Variants in SLC6A5 observed in about 807,000 individuals in gnomAD.
SLC6A5 encodes the protein solute carrier family 6 member 5.
Under a neutral mutation model 90.5 loss-of-function variants are expected in SLC6A5, and 58 were observed. That is an observed-to-expected ratio of 0.64 (90% CI 0.52 to 0.80). The LOEUF (loss-of-function observed/expected upper bound fraction) is 0.80. Ranked by LOEUF, SLC6A5 falls within the 30% of genes least tolerant of loss-of-function variation. SLC6A5 has a pLI of 0.00. For synonymous variants in SLC6A5, 427 were observed against 401.4 expected (o/e 1.06, Z -0.76); for missense variants, 1,015 against 1,017.6 (o/e 1.00, Z 0.03).
intron 2 of SLC6A5, 77 bp downstream of exon 2, chr11:20,601,742 G>T: frequency 1.4e-6 from 2 of 1,475,722 alleles, no homozygotes; most frequent in Non-Finnish European, 1.9e-6. Context: ...GCCGTGGCGG[G>T]TGCACGTATG....
In SLC6A5 at chr11:20,601,305, A is replaced by G; in HGVS notation, c.180A>G (p.Gln60=). Residue 60 remains glutamine, a synonymous_variant, in exon 2 of 16, where the codon CAA becomes CAG. Coordinates refer to ENST00000525748, the MANE Select transcript of SLC6A5 (RefSeq NM_004211.5). ...RVPRSASTGA[Q]TFQSADARAC... ...CCAGGTCCGCTTCCACCGGCGCCCA[A>G]ACTTTCCAGTCAGCGGACGCGCGAG... is the stretch of plus-strand genomic sequence containing the variant. The G allele has an allele frequency of 6.3e-7, 1 of 1,592,344 alleles. No individual in the cohort carries two copies. The highest frequency in any genetic ancestry group is 8.5e-7 in the Non-Finnish European group (1 of 1,174,306).
rs531278694 is a variant in SLC6A5 at position 20,601,090 on chromosome 11, G to A, written c.4-39G>A. Reference sequence around the variant, plus strand: ...AGATACAGGTATTTTAAAAGCTGTTGTGACTTTGTTTTGCACGAACTTGAC... The same window carrying A: ...AGATACAGGTATTTTAAAAGCTGTTATGACTTTGTTTTGCACGAACTTGAC... On this transcript the variant is annotated intron_variant, in intron 1 of 15. Coordinates refer to ENST00000525748, the MANE Select transcript of SLC6A5 (RefSeq NM_004211.5). The A allele has an allele frequency of 5.8e-6, 9 of 1,562,634 alleles. 1 individual carries two copies. In the Admixed American group the frequency reaches 9.2e-5, roughly 16 times the overall value.
chr11:20,600,399 GA>G (rs1555037541), intron 1 of SLC6A5, among the ~76,000 whole-genome samples: 7 of 139,054 alleles, frequency 5.0e-5, no homozygotes, highest in African/African-American at 1.3e-4. Flanking sequence ...AGAAGAAGAA[GA>G]AGAAGAAGAA....
chr11:20,603,434 G>A (rs1852516194), intron 2 of SLC6A5, among the ~76,000 whole-genome samples: 1 of 152,148 alleles, frequency 6.6e-6, no homozygotes, highest in Non-Finnish European at 1.5e-5. Context: ...GCTGGAGCTG[G>A]CAAGGGCTTC....
intron 5 of SLC6A5, among the ~76,000 whole-genome samples, chr11:20,608,180 G>A (rs1036764451): frequency 6.6e-6 from 1 of 152,202 alleles, no homozygotes; most frequent in Non-Finnish European, 1.5e-5. Context: ...ATACTGCTCA[G>A]TGCATGAGGT....
rs74756512 is a variant in SLC6A5 at position 20,619,890 on chromosome 11, T to C, written c.1260+2006T>C. Among the ~76,000 whole-genome samples, 4,595 of 152,128 alleles carry C rather than the reference T, an allele frequency of 0.03. 448 individuals are homozygous for C. In the East Asian group the frequency reaches 0.36, roughly 12 times the overall value. ...ACCTGCTGGCTCTGAGTGAGTACCATGAGACTGGATTGATTGTTTTTCTAA... is the reference window on the plus strand; with the variant it reads ...ACCTGCTGGCTCTGAGTGAGTACCACGAGACTGGATTGATTGTTTTTCTAA... On this transcript the variant is annotated intron_variant, in intron 7 of 15. Transcript: ENST00000525748.
At chr11:20,630,626 C>A in intron 9 of SLC6A5, 65 bp from the exon 10 acceptor site, 2 of 1,589,812 alleles carry the variant, frequency 1.3e-6, no homozygotes, top group South Asian at 1.1e-5. Context: ...TTTGTGTGTC[C>A]TTCCCCTTGT....
intron 14 of SLC6A5, among the ~76,000 whole-genome samples, chr11:20,649,051 C>A (rs1195544787): frequency 6.6e-6 from 1 of 152,116 alleles, no homozygotes; most frequent in Non-Finnish European, 1.5e-5. Context: ...CTCTAAAAAC[C>A]TAGTACTTTC....
intron 13 of SLC6A5, among the ~76,000 whole-genome samples, chr11:20,645,095 G>A (rs1001290233): frequency 6.6e-6 from 1 of 152,098 alleles, no homozygotes; most frequent in African/African-American, 2.4e-5. Context: ...TTACAGGATA[G>A]AGCCACCATG....
At chr11:20,608,258 G>C (rs1458998042) in intron 5 of SLC6A5, among the ~76,000 whole-genome samples, 1 of 152,202 alleles carries the variant, frequency 6.6e-6, no homozygotes, top group Non-Finnish European at 1.5e-5. Flanking sequence ...CAAGATACTG[G>C]GGAGTCAGGG....
At chr11:20,651,364 C>T (rs1176982547) in intron 14 of SLC6A5, among the ~76,000 whole-genome samples, 1 of 150,060 alleles carries the variant, frequency 6.7e-6, no homozygotes, top group African/African-American at 2.5e-5. Context: ...GCCTCTGCCT[C>T]CCAGGTTCAA....
chr11:20,633,439 G>T (rs1392348967), intron 10 of SLC6A5, among the ~76,000 whole-genome samples: 1 of 152,162 alleles, frequency 6.6e-6, no homozygotes, highest in African/African-American at 2.4e-5. Flanking sequence ...AGGCACAGAG[G>T]TCCAGGTGGC....
rs572329486 is a variant in SLC6A5, at chr11:20,626,770, C to T, written c.1323C>T (p.Val441=). The T allele has an allele frequency of 9.3e-6, 15 of 1,613,700 alleles. No homozygotes were observed. The Admixed American group carries it at 2.0e-4, about 22-fold the overall frequency. Residue 441 remains valine, a synonymous_variant, in exon 8 of 16, where the codon GTC becomes GTT. Coordinates refer to ENST00000525748, the MANE Select transcript of SLC6A5 (RefSeq NM_004211.5). Reference sequence around the variant, plus strand: ...TCGTGATCCTCCTCATCCGAGGAGTCACCCTGCCTGGAGCTGGAGCTGGGA... The same window carrying T: ...TCGTGATCCTCCTCATCCGAGGAGTTACCCTGCCTGGAGCTGGAGCTGGGA... ...VVLVILLIRG[V]TLPGAGAGIW...
intron 6 of SLC6A5, among the ~76,000 whole-genome samples, chr11:20,616,557 T>C (rs376139801): frequency 6.6e-6 from 1 of 152,196 alleles, no homozygotes; most frequent in African/African-American, 2.4e-5. Context: ...AGTCATGGAA[T>C]TGTTGACTAT....
rs868620872 is a variant in SLC6A5 at position 20,601,328 on chromosome 11, G to A, written c.203G>A (p.Arg68Gln). ...GAQTFQSADARACEAERPGVG... is the reference protein window; with the variant it reads ...GAQTFQSADAQACEAERPGVG... ...CAAACTTTCCAGTCAGCGGACGCGCGAGCCTGCGAGGCTGAGCGGCCAGGA... is the reference window on the plus strand; with the variant it reads ...CAAACTTTCCAGTCAGCGGACGCGCAAGCCTGCGAGGCTGAGCGGCCAGGA... Residue 68 changes from arginine (R) to glutamine (Q), a missense_variant, in exon 2 of 16, where the codon CGA (arginine) becomes CAA (glutamine). Coordinates refer to ENST00000525748, the MANE Select transcript of SLC6A5 (RefSeq NM_004211.5). 2 of 1,595,488 alleles carry A rather than the reference G, an allele frequency of 1.3e-6. No homozygotes were observed. Among genetic ancestry groups the A allele is most frequent in the Non-Finnish European group, 1.7e-6 (2 of 1,174,612 alleles).
chr11:20,612,025 C>T (rs779664623), intron 5 of SLC6A5, among the ~76,000 whole-genome samples: 2 of 152,156 alleles, frequency 1.3e-5, no homozygotes, highest in African/African-American at 2.4e-5. Flanking sequence ...GGACCTATTG[C>T]GGTTACTTTA....
chr11:20,646,281 G>T (rs1565288905), intron 13 of SLC6A5, among the ~76,000 whole-genome samples: 1 of 152,154 alleles, frequency 6.6e-6, no homozygotes, highest in Non-Finnish European at 1.5e-5. Flanking sequence ...CAACAAAGTG[G>T]GTGATTGACA....
chr11:20,618,945 GACACAC>G (rs68111718), intron 7 of SLC6A5, among the ~76,000 whole-genome samples: 52 of 148,770 alleles, frequency 3.5e-4, no homozygotes, highest in African/African-American at 1.3e-3. Context: ...TGTCCCGCCC[GACACAC>G]ACACACACAC....
At chr11:20,646,302 A>G (rs1346824104) in intron 13 of SLC6A5, among the ~76,000 whole-genome samples, 1 of 152,130 alleles carries the variant, frequency 6.6e-6, no homozygotes, top group Non-Finnish European at 1.5e-5. Context: ...CTTGGAATTT[A>G]CGTTGGTTTT....
Sources: gnomAD v4.1 joint callset for allele counts (sites outside exome capture counted in the v4.1 genomes callset) on GRCh38, gnomAD v4.1.1 for gene constraint, MANE v1.5 for transcripts, NCBI Gene and HGNC (gene_info 2026-07-23, HGNC 2026-07-21) for gene names.